The following NTM variants were observed in gnomAD, a reference collection of about 807,000 sequenced individuals.
The protein encoded by NTM is neurotrimin.
NTM carries 13 observed loss-of-function variants against 42.1 expected under a neutral mutation model. That is an observed-to-expected ratio of 0.31 (90% CI 0.20 to 0.49). The LOEUF (loss-of-function observed/expected upper bound fraction) is 0.49. NTM is among the 20% of genes least tolerant of loss of function. The pLI is 0.99. For missense variants in NTM, 373 were observed against 452.8 expected (o/e 0.82, Z 1.60); for synonymous variants, 187 against 179.2 (o/e 1.04, Z -0.35).
intron 3 of NTM, among the ~76,000 whole-genome samples, chr11:132,186,001 A>G (rs963897043): frequency 1.3e-5 from 2 of 152,224 alleles, no homozygotes; most frequent in Admixed American, 1.3e-4. Flanking sequence ...CACCCTAGAA[A>G]TGGGGGATTA....
intron 2 of NTM, among the ~76,000 whole-genome samples, chr11:132,137,024 C>T (rs374798250): frequency 1.3e-5 from 2 of 152,174 alleles, no homozygotes; most frequent in East Asian, 1.9e-4. Flanking sequence ...TACTGTTCTT[C>T]CTAGTTTGCC....
intron 2 of NTM, among the ~76,000 whole-genome samples, chr11:132,093,993 A>G (rs2060660539): frequency 6.6e-6 from 1 of 152,202 alleles, no homozygotes; most frequent in Admixed American, 6.5e-5. Flanking sequence ...ATGGGCAGAA[A>G]AAGGAAAGTG....
At chr11:131,810,387 G>A (rs2092687134) in intron 1 of NTM, among the ~76,000 whole-genome samples, 1 of 152,212 alleles carries the variant, frequency 6.6e-6, no homozygotes, top group Non-Finnish European at 1.5e-5. Flanking sequence ...ATTTGTGGCA[G>A]TACAGCAATA....
At chr11:131,481,285 G>A (rs1565547190) in intron 1 of NTM, among the ~76,000 whole-genome samples, 1 of 152,206 alleles carries the variant, frequency 6.6e-6, no homozygotes, top group Non-Finnish European at 1.5e-5. Context: ...AAAAGTCCTA[G>A]AAGATCCCCT....
chr11:131,815,270 G>A lies in NTM; in HGVS notation c.83-96294G>A, dbSNP rs77086927. On this transcript the variant is annotated intron_variant, in intron 1 of 8. Transcript: ENST00000683400. ...ACTACAGTTTTTGTGTCTGATAAGA[G>A]CTTACAAAGGACTGCCTTCTGGGAG... Among the ~76,000 whole-genome samples the A allele has an allele frequency of 7.3e-3, 1,111 of 152,232 alleles. 14 individuals are homozygous for A. Among genetic ancestry groups the A allele is most frequent in the African/African-American group, 0.026 (1,065 of 41,552 alleles).
chr11:131,599,341 C>CTACCCAGTCTCCGGCAGATGCCCTGTG (rs1565688033), intron 1 of NTM, among the ~76,000 whole-genome samples: 5,742 of 149,618 alleles, frequency 0.038, 1,067 homozygotes, highest in African/African-American at 0.14. Flanking sequence ...GATGCCCTGT[C>CTACCCAGTCTCCGGCAGATGCCCTGTG]TACCCAGTCT....
Position 131,388,533 on chromosome 11 carries a change from A to C in NTM, c.82+17645A>C, listed in dbSNP as rs75424179. On this transcript the variant is annotated intron_variant, in intron 1 of 8. Transcript: ENST00000683400. The stretch of plus-strand genomic sequence containing the variant: ...CGTAAGTATTAGGTACTTAGTGGAA[A>C]TAGCCTGATCAGAATCAGTGTCTAA... Among the ~76,000 whole-genome samples, 1,090 of 152,080 alleles carry C rather than the reference A, an allele frequency of 7.2e-3. 7 individuals carry two copies. The highest frequency in any genetic ancestry group is 0.012 in the Non-Finnish European group (786 of 67,992).
At chr11:131,758,645 T>G (rs1591643095) in intron 1 of NTM, among the ~76,000 whole-genome samples, 5 of 152,062 alleles carry the variant, frequency 3.3e-5, no homozygotes, top group Admixed American at 3.3e-4. Flanking sequence ...CAGGTTAGAG[T>G]GCAGTGGTGC....
Position 131,790,232 on chromosome 11 carries a change from T to C in NTM, c.83-121332T>C, listed in dbSNP as rs575273457. On this transcript the variant is annotated intron_variant, in intron 1 of 8. Coordinates refer to ENST00000683400, the MANE Select transcript of NTM (RefSeq NM_001352005.2). ...ATCCGAGCAAATCATAGAAAATTAT[T>C]TGGGCAAGCTGAAGAGAGACCTGAG... Among the ~76,000 whole-genome samples the C allele has an allele frequency of 4.6e-5, 7 of 152,172 alleles. No individual in the cohort carries two copies. The East Asian group carries it at 7.8e-4, about 17-fold the overall frequency.
chr11:131,411,954 GA>G (rs1946471952), intron 1 of NTM, among the ~76,000 whole-genome samples: 3 of 152,190 alleles, frequency 2.0e-5, no homozygotes, highest in Admixed American at 1.3e-4. Context: ...GGTTAGATGA[GA>G]AAACATAGCT....
intron 1 of NTM, among the ~76,000 whole-genome samples, chr11:131,397,845 C>T (rs756717312): frequency 3.0e-4 from 45 of 152,282 alleles, no homozygotes; most frequent in Admixed American, 5.2e-4. Flanking sequence ...TGCAGAGCAC[C>T]GCTGATAGTC....
chr11:132,256,897 C>T (rs1312657887), intron 4 of NTM, among the ~76,000 whole-genome samples: 1 of 152,192 alleles, frequency 6.6e-6, no homozygotes, highest in Non-Finnish European at 1.5e-5. Context: ...GTTTGTCTGG[C>T]TGCATTTCTG....
At chr11:132,273,269 C>T (rs183354452) in intron 4 of NTM, among the ~76,000 whole-genome samples, 6 of 136,524 alleles carry the variant, frequency 4.4e-5, no homozygotes, top group Admixed American at 7.5e-5. Flanking sequence ...ATTCATAGTG[C>T]GTAATCATTT....
chr11:131,565,401 C>T (rs1323045155), intron 1 of NTM, among the ~76,000 whole-genome samples: 2 of 152,178 alleles, frequency 1.3e-5, no homozygotes, highest in Non-Finnish European at 2.9e-5. Flanking sequence ...GTGAGGTTTC[C>T]AGGTCTCCTC....
In NTM at chr11:132,314,567, G is replaced by T. The variant is rs781441181; in HGVS notation, c.798G>T (p.Lys266Asn). ...TTTCTCTCAGACTGATTGAAGGAAA[G>T]AAAGGGGTGAAAGTGGAAAACAGAC... is the stretch of plus-strand genomic sequence containing the variant. The part of the protein sequence containing the change: ...YKDDKRLIEG[K>N]KGVKVENRPF... The change falls in exon 7 of 9, where the codon AAG becomes AAT. Residue 266 changes from lysine (K) to asparagine (N), a missense_variant. Physicochemically the swap from Lys to Asn is moderately conservative, Grantham distance 94. Around this residue, in one of 3 missense-constraint regions of NTM, gnomAD observed 312 missense variants for 353.5 expected, o/e 0.88. Transcript: ENST00000683400. The T allele has an allele frequency of 2.5e-6, 4 of 1,612,310 alleles. No homozygotes were observed. The East Asian group carries it at 6.7e-5, about 27-fold the overall frequency.
intron 2 of NTM, among the ~76,000 whole-genome samples, chr11:132,111,251 G>T (rs2063159540): frequency 1.3e-5 from 2 of 151,196 alleles, no homozygotes; most frequent in South Asian, 4.2e-4. Flanking sequence ...CGTTTGTGTT[G>T]TGTGTGTATT....
intron 1 of NTM, among the ~76,000 whole-genome samples, chr11:131,708,656 A>G (rs2076822657): frequency 1.3e-5 from 2 of 152,336 alleles, no homozygotes; most frequent in Middle Eastern, 3.4e-3. Flanking sequence ...AGTCAATATA[A>G]TACAAATCAT....
intron 1 of NTM, among the ~76,000 whole-genome samples, chr11:131,764,525 A>G (rs2084795655): frequency 6.6e-6 from 1 of 152,194 alleles, no homozygotes; most frequent in Non-Finnish European, 1.5e-5. Flanking sequence ...ATTCCAACAG[A>G]TCTGGACTGA....
At chr11:131,547,476 G>T (rs1226775856) in intron 1 of NTM, among the ~76,000 whole-genome samples, 3 of 152,188 alleles carry the variant, frequency 2.0e-5, no homozygotes, top group African/African-American at 7.2e-5. Context: ...CAGATGCCAG[G>T]CGCTAACCGT....
Sources: gnomAD v4.1 joint callset for allele counts (sites outside exome capture counted in the v4.1 genomes callset) on GRCh38, gnomAD v4.1.1 for gene constraint, gnomAD v4.1.1 regional missense constraint, MANE v1.5 for transcripts, NCBI Gene and HGNC (gene_info 2026-07-23, HGNC 2026-07-21) for gene names.